Variants in GPATCH2 observed in about 807,000 individuals in gnomAD.
GPATCH2 encodes G-patch domain containing 2, also known as G patch domain-containing protein 2.
In GPATCH2, 51 loss-of-function variants were observed where a neutral mutation model predicts 58.0. The ratio of observed to expected loss-of-function variants is 0.88; its 90% CI spans 0.70 to 1.11. The LOEUF (loss-of-function observed/expected upper bound fraction) is 1.11. Ranked by LOEUF, GPATCH2 falls within the 50% of genes most tolerant of loss-of-function variation. GPATCH2 has a pLI of 0.00. For synonymous variants in GPATCH2, 222 were observed against 218.5 expected (o/e 1.02, Z -0.14); for missense variants, 625 against 652.2 (o/e 0.96, Z 0.45).
At chr1:217,591,615 C>G (rs1338405888) in intron 5 of GPATCH2, among the ~76,000 whole-genome samples, 1 of 152,036 alleles carries the variant, frequency 6.6e-6, no homozygotes, top group Non-Finnish European at 1.5e-5. Context: ...AAACTGAGTT[C>G]TAACCATGCA....
chr1:217,450,479 T>C (rs1200622597), intron 8 of GPATCH2, among the ~76,000 whole-genome samples: 1 of 152,094 alleles, frequency 6.6e-6, no homozygotes, highest in African/African-American at 2.4e-5. Context: ...ATAGATTTTA[T>C]TTATAAAGCA....
At chr1:217,504,789 G>C (rs1275445784) in intron 6 of GPATCH2, among the ~76,000 whole-genome samples, 1 of 152,112 alleles carries the variant, frequency 6.6e-6, no homozygotes, top group Non-Finnish European at 1.5e-5. Context: ...GGAAGGGTTG[G>C]TTTTCTTTTT....
intron 6 of GPATCH2, among the ~76,000 whole-genome samples, chr1:217,503,845 T>C (rs1287553707): frequency 1.3e-5 from 2 of 152,134 alleles, no homozygotes; most frequent in Non-Finnish European, 2.9e-5. Flanking sequence ...ATCCAACTGT[T>C]GGTCAAAGGA....
At chr1:217,471,317 C>T (rs1341914001) in intron 8 of GPATCH2, among the ~76,000 whole-genome samples, 6 of 152,066 alleles carry the variant, frequency 3.9e-5, no homozygotes, top group South Asian at 4.1e-4. Flanking sequence ...TGTCATTAAG[C>T]GGTACTCTAA....
At chr1:217,554,320 G>A (rs1281774837) in intron 5 of GPATCH2, among the ~76,000 whole-genome samples, 2 of 152,154 alleles carry the variant, frequency 1.3e-5, no homozygotes, top group African/African-American at 2.4e-5. Context: ...GAGGTCACTA[G>A]CTAGGGCAAC....
intron 5 of GPATCH2, among the ~76,000 whole-genome samples, chr1:217,596,145 A>G (rs1341944076): frequency 1.3e-5 from 2 of 151,732 alleles, no homozygotes; most frequent in Non-Finnish European, 2.9e-5. Flanking sequence ...ATGAAAAATG[A>G]TAACATTGAA....
chr1:217,431,762 T>C (rs1658545453), intron 9 of GPATCH2, among the ~76,000 whole-genome samples: 1 of 152,224 alleles, frequency 6.6e-6, no homozygotes, highest in Non-Finnish European at 1.5e-5. Context: ...GTTAGCCTTA[T>C]GGATTATTCA....
chr1:217,614,101 G>A, intron 3 of GPATCH2, 40 bp downstream of exon 3: 1 of 1,094,160 alleles, frequency 9.1e-7, no homozygotes, highest in Non-Finnish European at 1.4e-6. Flanking sequence ...TTAGAATGAA[G>A]AAGTTTTTCC....
intron 5 of GPATCH2, among the ~76,000 whole-genome samples, chr1:217,526,130 T>A (rs557148609): frequency 6.6e-6 from 1 of 152,096 alleles, no homozygotes; most frequent in Non-Finnish European, 1.5e-5. Context: ...GGGGAAAAAA[T>A]TACAGCTGGT....
At chr1:217,604,954 G>A (rs145962761) in intron 5 of GPATCH2, among the ~76,000 whole-genome samples, 272 of 152,238 alleles carry the variant, frequency 1.8e-3, no homozygotes, top group African/African-American at 5.8e-3. Context: ...GACCCTGGGA[G>A]ACAAAGGTTG....
chr1:217,608,302 C>A, intron 5 of GPATCH2: 1 of 981,580 alleles, frequency 1.0e-6, no homozygotes, highest in Admixed American at 6.1e-5. Context: ...CCATTGTCTT[C>A]AGTAAAGTTT....
intron 5 of GPATCH2, among the ~76,000 whole-genome samples, chr1:217,557,742 C>T (rs1217621675): frequency 1.3e-5 from 2 of 152,126 alleles, no homozygotes; most frequent in South Asian, 2.1e-4. Flanking sequence ...TATTTGAGTG[C>T]TTTTGCTTTG....
Position 217,548,278 on chromosome 1 carries a change from G to A in GPATCH2, c.1099-33389C>T, listed in dbSNP as rs1319209057. 2.6e-5 allele frequency among the ~76,000 whole-genome samples: 4 copies of A among 151,994 alleles called. No individual in the cohort carries two copies. In the East Asian group the frequency reaches 7.7e-4, roughly 29 times the overall value. On this transcript the variant is annotated intron_variant, in intron 5 of 9. Coordinates refer to ENST00000366935, the MANE Select transcript of GPATCH2 (RefSeq NM_018040.5). ...CTATTGGAGGTTGTGGTGGGGGAAG[G>A]GAGAGATATCAGTAAAAAAACCAAT...
chr1:217,428,671 A>G lies in GPATCH2; in HGVS notation c.*2474T>C, dbSNP rs2102513619. 1 of 152,294 alleles carries G rather than the reference A, an allele frequency of 6.6e-6. No homozygotes were observed. The highest frequency in any genetic ancestry group is 1.5e-5 in the Non-Finnish European group (1 of 68,020). The allele number at this position is 152,294 out of a possible 1,614,324, so 9.4% of individuals were successfully genotyped here. On this transcript the variant is annotated 3_prime_UTR_variant, in exon 10 of 10. Transcript: ENST00000366935. ...TCTGTACAATTAAACACTTCAACAG[A>G]GTAAGAAGTATTTTAAGTCCTCTGT... is the stretch of plus-strand genomic sequence containing the variant.
intron 8 of GPATCH2, among the ~76,000 whole-genome samples, chr1:217,466,950 A>G (rs1414312978): frequency 6.6e-6 from 1 of 152,204 alleles, no homozygotes; most frequent in African/African-American, 2.4e-5. Context: ...AGGCAGGCGG[A>G]TTGCCTGAGG....
rs1191917690 is a variant in GPATCH2 at position 217,430,448 on chromosome 1, G to C, written c.*697C>G. 3.3e-5 allele frequency: 5 copies of C among 152,072 alleles called. No homozygotes were observed. The highest frequency in any genetic ancestry group is 7.4e-5 in the Non-Finnish European group (5 of 68,018). 9.4% of individuals were successfully genotyped at this position (152,072 alleles called of 1,614,324 possible). A position where few individuals can be genotyped will look rare whatever the true frequency, so the allele number is the denominator to read the frequency against. On this transcript the variant is annotated 3_prime_UTR_variant, in exon 10 of 10. Transcript: ENST00000366935. ...AATAATTATTTTATGTTCTAAATGA[G>C]GTAAAATTTATAAAATCTGCATTAA...
At chr1:217,593,553 C>T (rs189318338) in intron 5 of GPATCH2, among the ~76,000 whole-genome samples, 1 of 152,080 alleles carries the variant, frequency 6.6e-6, no homozygotes, top group East Asian at 1.9e-4. Flanking sequence ...TGGCTCTGTA[C>T]CACTCTTCCT....
intron 7 of GPATCH2, chr1:217,492,569 A>G (rs1274914916): frequency 6.6e-6 from 1 of 152,214 alleles, no homozygotes; most frequent in Non-Finnish European, 1.5e-5. Context: ...TACAGGATAG[A>G]GCTGGGTTCT....
chr1:217,591,848 T>C (rs1490493811), intron 5 of GPATCH2, among the ~76,000 whole-genome samples: 1 of 152,034 alleles, frequency 6.6e-6, no homozygotes, highest in Non-Finnish European at 1.5e-5. Flanking sequence ...CTTTTATATT[T>C]AATGTGATGG....
Sources: allele counts gnomAD v4.1 joint callset (sites outside exome capture counted in the v4.1 genomes callset), GRCh38; gene constraint gnomAD v4.1.1; transcripts MANE v1.5; gene names NCBI Gene and HGNC (gene_info 2026-07-23, HGNC 2026-07-21).